DBF4: variants seen among roughly 807,000 people sequenced by gnomAD.
DBF4 encodes protein DBF4 homolog A.
DBF4 carries 25 observed loss-of-function variants against 76.6 expected under a neutral mutation model. That is an observed-to-expected ratio of 0.33 (90% CI 0.24 to 0.46). The LOEUF is 0.46. Among genes scored for constraint, DBF4 ranks in the 20% least tolerant of loss-of-function variants. The pLI, the probability that DBF4 is intolerant of heterozygous loss-of-function variation, is 1.00. For synonymous variants in DBF4, 213 were observed against 258.0 expected (o/e 0.83, Z 1.67); for missense variants, 638 against 760.8 (o/e 0.84, Z 1.90).
chr7:87,879,966 A>AG (rs1554324449), intron 2 of DBF4, among the ~76,000 whole-genome samples: 111 of 152,016 alleles, frequency 7.3e-4, no homozygotes, highest in African/African-American at 2.6e-3. Flanking sequence ...AAAAAAAAAA[A>AG]AGGTAGCTCA....
chr7:87,877,128 G>C (rs903954930), intron 1 of DBF4, among the ~76,000 whole-genome samples: 1 of 152,230 alleles, frequency 6.6e-6, no homozygotes, highest in African/African-American at 2.4e-5. Context: ...GGCCCTTGGA[G>C]GCGACGGACT....
chr7:87,909,033 G>A lies in DBF4; in HGVS notation c.*870G>A, dbSNP rs184734091. 2.0e-5 allele frequency: 3 copies of A among 152,076 alleles called. No homozygotes were observed. Among genetic ancestry groups the A allele is most frequent in the Non-Finnish European group, 4.4e-5 (3 of 68,026 alleles). The allele number at this position is 152,076 out of a possible 1,614,324, so 9.4% of individuals were successfully genotyped here. On this transcript the variant is annotated 3_prime_UTR_variant, in exon 12 of 12. Transcript: ENST00000265728. The stretch of plus-strand genomic sequence containing the variant: ...GCAGGTTGCAGTGAGCCAAGATTGT[G>A]CCACTGTATTCCAGACTGGGTGACA...
At chr7:87,888,148 C>T in intron 6 of DBF4, 89 bp downstream of exon 6, 1 of 1,427,136 alleles carries the variant, frequency 7.0e-7, no homozygotes, top group Non-Finnish European at 9.3e-7. Flanking sequence ...CAGAAAATAT[C>T]CTAGGGGCAA....
chr7:87,896,461 T>TG lies in DBF4; in HGVS notation c.598-13_598-12insG. On this transcript the variant is annotated splice_polypyrimidine_tract_variant and intron_variant, in intron 6 of 11. Coordinates refer to ENST00000265728, the MANE Select transcript of DBF4 (RefSeq NM_006716.4). Reference sequence around the variant, plus strand: ...TTTCAAAGCCAATCTTTTCACTATATATTTTTTTTTAGGGCAAAAGAGTTG... The same window carrying TG: ...TTTCAAAGCCAATCTTTTCACTATATGATTTTTTTTTAGGGCAAAAGAGTTG... The TG allele has an allele frequency of 7.5e-6, 12 of 1,604,218 alleles. No homozygotes were observed. Among genetic ancestry groups the TG allele is most frequent in the East Asian group, 2.2e-5 (1 of 44,456 alleles).
Position 87,876,642 on chromosome 7 carries a change from T to G in DBF4, c.-91T>G, listed in dbSNP as rs1366278104. ...GCTGGCGGAAGGAGAGAGGCGGCCG[T>G]CCTGTCAACAGGCCGGGGGAAGCCG... On this transcript the variant is annotated 5_prime_UTR_variant, in exon 1 of 12. Transcript: ENST00000265728. 2 of 1,420,578 alleles carry G rather than the reference T, an allele frequency of 1.4e-6. No individual in the cohort carries two copies. Among genetic ancestry groups the G allele is most frequent in the Non-Finnish European group, 9.8e-7 (1 of 1,022,456 alleles). The allele number at this position is 1,420,578 out of a possible 1,614,324, so 88.0% of individuals were successfully genotyped here.
chr7:87,892,337 T>C (rs956608690), intron 6 of DBF4, among the ~76,000 whole-genome samples: 2 of 152,246 alleles, frequency 1.3e-5, no homozygotes, highest in African/African-American at 2.4e-5. Flanking sequence ...GTTGGAATCA[T>C]ACAGTGTGTT....
At chr7:87,902,207 A>G (rs1839806041) in intron 10 of DBF4, among the ~76,000 whole-genome samples, 1 of 152,250 alleles carries the variant, frequency 6.6e-6, no homozygotes. Context: ...TGGTTGCCAC[A>G]AAGAAGAAAA....
At chr7:87,895,483 T>C (rs1177015965) in intron 6 of DBF4, among the ~76,000 whole-genome samples, 3 of 152,166 alleles carry the variant, frequency 2.0e-5, no homozygotes, top group Non-Finnish European at 4.4e-5. Flanking sequence ...ATGCTGATTT[T>C]GTTTCTGCCA....
intron 6 of DBF4, chr7:87,888,380 A>G: frequency 1.1e-6 from 1 of 917,090 alleles, no homozygotes; most frequent in Non-Finnish European, 1.3e-6. Flanking sequence ...TAAGTAATGT[A>G]CTTCTTTTTG....
At chr7:87,895,643 C>G (rs1012869852) in intron 6 of DBF4, among the ~76,000 whole-genome samples, 1 of 151,886 alleles carries the variant, frequency 6.6e-6, no homozygotes, top group African/African-American at 2.4e-5. Context: ...GGAGGTAAGC[C>G]CTGCACTTGC....
chr7:87,896,564 A>G, intron 7 of DBF4, 54 bp downstream of exon 7: 1 of 1,497,504 alleles, frequency 6.7e-7, no homozygotes, highest in East Asian at 2.3e-5. Flanking sequence ...AAAATCATAA[A>G]AGATCTTCTA....
chr7:87,896,953 A>G (rs1396137402), intron 7 of DBF4, among the ~76,000 whole-genome samples: 3 of 152,250 alleles, frequency 2.0e-5, no homozygotes, highest in Non-Finnish European at 4.4e-5. Flanking sequence ...GGTACTGCGA[A>G]TAGTGTGATT....
At chr7:87,898,458 G>A (rs1391861419) in intron 8 of DBF4, among the ~76,000 whole-genome samples, 2 of 151,996 alleles carry the variant, frequency 1.3e-5, no homozygotes, top group Admixed American at 1.3e-4. Flanking sequence ...AATTCATACG[G>A]AATTGTAACA....
At chr7:87,887,938 A>G (rs769596354) in intron 5 of DBF4, 45 bp from the exon 6 acceptor site, 1 of 1,463,950 alleles carries the variant, frequency 6.8e-7, no homozygotes, top group South Asian at 1.3e-5. Flanking sequence ...GTTTAACTCC[A>G]AGAGTAAAAT....
At chr7:87,893,830 T>G (rs1339782767) in intron 6 of DBF4, among the ~76,000 whole-genome samples, 1 of 152,198 alleles carries the variant, frequency 6.6e-6, no homozygotes, top group Non-Finnish European at 1.5e-5. Context: ...TGTATTTAGG[T>G]CTACCATCTT....
chr7:87,905,548 T>G (rs892132215), intron 11 of DBF4, among the ~76,000 whole-genome samples: 10 of 152,216 alleles, frequency 6.6e-5, no homozygotes, highest in Non-Finnish European at 1.2e-4. Flanking sequence ...TACTGCTCAA[T>G]GTACACCAAC....
chr7:87,887,270 A>G (rs1839379743), intron 4 of DBF4, 59 bp from the exon 5 acceptor site: 15 of 1,244,074 alleles, frequency 1.2e-5, no homozygotes, highest in Non-Finnish European at 1.7e-5. Flanking sequence ...AATTTTTATT[A>G]AAATTTAGCT....
chr7:87,878,647 G>C (rs767765183), intron 2 of DBF4: 15 of 155,148 alleles, frequency 9.7e-5, no homozygotes, highest in Admixed American at 2.6e-4. Flanking sequence ...GAGTGATACA[G>C]ATGTTGTTTC....
At chr7:87,904,582 A>T (rs534355019) in intron 11 of DBF4, among the ~76,000 whole-genome samples, 166 bp downstream of exon 11, 4 of 152,212 alleles carry the variant, frequency 2.6e-5, no homozygotes, top group South Asian at 2.1e-4. Flanking sequence ...TCTACTAAAA[A>T]AATAAAAAAT....
Sources: allele counts gnomAD v4.1 joint callset (sites outside exome capture counted in the v4.1 genomes callset), GRCh38; gene constraint gnomAD v4.1.1; transcripts MANE v1.5; gene names NCBI Gene and HGNC (gene_info 2026-07-23, HGNC 2026-07-21).